FRMPD4: variants seen among roughly 807,000 people sequenced by gnomAD.
FRMPD4 encodes the protein FERM and PDZ domain-containing protein 4.
A neutral mutation model predicts 94.1 loss-of-function variants in FRMPD4; 22 were observed. The observed-to-expected ratio is 0.23, with a 90% confidence interval of 0.17 to 0.33. The LOEUF is 0.33. Ranked by LOEUF, FRMPD4 falls within the 10% of genes least tolerant of loss-of-function variation. The probability of loss-of-function intolerance (pLI) is 1.00; values close to 1 mark genes in which losing one functional copy is unlikely to be tolerated. For missense variants in FRMPD4, 1,111 were observed against 1,339.9 expected (o/e 0.83, Z 2.67); for synonymous variants, 631 against 548.6 (o/e 1.15, Z -2.10).
At chrX:11,865,753 A>G (rs2053714790) in intron 2 of FRMPD4, among the ~76,000 whole-genome samples, 1 of 112,031 alleles carries the variant, frequency 8.9e-6, no homozygotes, top group Non-Finnish European at 1.9e-5. Context: ...GGTGGTCAGG[A>G]TAAACCAGAA....
chrX:12,628,173 A>G (rs757529273), intron 4 of FRMPD4, among the ~76,000 whole-genome samples: 4 of 111,885 alleles, frequency 3.6e-5, no homozygotes, highest in Middle Eastern at 4.6e-3. Flanking sequence ...GAGAAGTGTA[A>G]CATTATCTAT....
intron 1 of FRMPD4, among the ~76,000 whole-genome samples, chrX:11,862,802 C>T (rs995856878): frequency 9.1e-6 from 1 of 110,064 alleles, no homozygotes; most frequent in South Asian, 4.0e-4. Context: ...GAGCTTTGTC[C>T]GTATTTTTCT....
chrX:11,897,872 G>A (rs768764215), intron 3 of FRMPD4, among the ~76,000 whole-genome samples: 20 of 112,023 alleles, frequency 1.8e-4, no homozygotes, highest in Non-Finnish European at 2.8e-4. Flanking sequence ...AACCGGGGCT[G>A]GCTAAGGGAA....
At chrX:12,100,103 A>C (rs1326848010) in intron 3 of FRMPD4, among the ~76,000 whole-genome samples, 2 of 112,230 alleles carry the variant, frequency 1.8e-5, no homozygotes, top group Admixed American at 9.5e-5. Flanking sequence ...AGCCTAAAAT[A>C]TTTACTGTCT....
chrX:12,260,135 CCTT>C (rs2054170058), intron 1 of FRMPD4, among the ~76,000 whole-genome samples: 1 of 110,877 alleles, frequency 9.0e-6, no homozygotes, highest in Non-Finnish European at 1.9e-5. Flanking sequence ...GGCCTTTTTT[CCTT>C]CTTAGTCAAC....
intron 2 of FRMPD4, among the ~76,000 whole-genome samples, chrX:12,586,590 T>TG (rs1239127402): frequency 8.9e-6 from 1 of 112,498 alleles, no homozygotes; most frequent in Non-Finnish European, 1.9e-5. Context: ...GTTTGCTCAC[T>TG]GCTACACAAA....
chrX:12,357,127 TG>T (rs1478505296), intron 1 of FRMPD4, among the ~76,000 whole-genome samples: 1 of 112,112 alleles, frequency 8.9e-6, no homozygotes, highest in Non-Finnish European at 1.9e-5. Context: ...ATTTCATACT[TG>T]GGGTATTGAT....
intron 3 of FRMPD4, among the ~76,000 whole-genome samples, chrX:12,019,693 CCT>C (rs2054622831): frequency 9.2e-6 from 1 of 109,062 alleles, no homozygotes; most frequent in Non-Finnish European, 1.9e-5. Flanking sequence ...GTGTGCCTTT[CCT>C]CTCTGCTTTG....
chrX:12,103,508 C>G (rs1601940043), intron 3 of FRMPD4, among the ~76,000 whole-genome samples: 2 of 111,194 alleles, frequency 1.8e-5, no homozygotes, highest in African/African-American at 6.5e-5. Context: ...TTCTCTGTTG[C>G]TACTACTCAA....
intron 1 of FRMPD4, among the ~76,000 whole-genome samples, chrX:12,359,597 G>T (rs970924411): frequency 9.1e-6 from 1 of 109,457 alleles, no homozygotes; most frequent in Non-Finnish European, 1.9e-5. Flanking sequence ...CCTCCCGAGT[G>T]TAGCTGGGAT....
At chrX:12,505,118 T>C (rs1283355394) in intron 2 of FRMPD4, among the ~76,000 whole-genome samples, 1 of 111,984 alleles carries the variant, frequency 8.9e-6, no homozygotes, top group East Asian at 2.8e-4. Context: ...ATGGCCAACC[T>C]GTGCAAAGGA....
At chrX:12,175,810 G>A (rs190334146) in intron 1 of FRMPD4, among the ~76,000 whole-genome samples, 12 of 111,599 alleles carry the variant, frequency 1.1e-4, no homozygotes, top group Admixed American at 2.9e-4. Flanking sequence ...CACAGCGCCC[G>A]GCCTCAATAT....
chrX:12,522,594 C>CTTTTTTTTTTT (rs373581040), intron 2 of FRMPD4, among the ~76,000 whole-genome samples: 2 of 74,547 alleles, frequency 2.7e-5, no homozygotes, highest in Admixed American at 1.7e-4. Context: ...TTTTCTTTTC[C>CTTTTTTTTTTT]TTTTTTTTTT....
chrX:11,989,131 A>G (rs1476979465), intron 3 of FRMPD4, among the ~76,000 whole-genome samples: 1 of 111,958 alleles, frequency 8.9e-6, no homozygotes, highest in Admixed American at 9.5e-5. Context: ...AAGGAAGTAA[A>G]TATATCAAAG....
chrX:12,676,744 G>A (rs568359726), intron 5 of FRMPD4, among the ~76,000 whole-genome samples: 2 of 112,117 alleles, frequency 1.8e-5, no homozygotes, highest in African/African-American at 6.5e-5. Context: ...GTGAATCATG[G>A]CACTTCCTTT....
At chrX:12,119,343 C>T (rs1441695760) in intron 3 of FRMPD4, among the ~76,000 whole-genome samples, 1 of 111,862 alleles carries the variant, frequency 8.9e-6, no homozygotes, top group Non-Finnish European at 1.9e-5. Context: ...TGGCCCAGTT[C>T]ACCATGATTT....
At chrX:12,694,312 G>A (rs757581252) in intron 8 of FRMPD4, 23 bp from the exon 9 acceptor site, 2 of 1,192,847 alleles carry the variant, frequency 1.7e-6, no homozygotes, top group South Asian at 3.6e-5. Flanking sequence ...AAGGGTTCTT[G>A]TGTGATTGGT....
intron 3 of FRMPD4, among the ~76,000 whole-genome samples, chrX:12,003,042 G>A (rs1228006233): frequency 1.8e-5 from 2 of 111,168 alleles, no homozygotes; most frequent in Non-Finnish European, 3.8e-5. Context: ...AAGCTGCTCT[G>A]GCATTAAGCT....
At chrX:11,925,190 A>T (rs376565254) in intron 3 of FRMPD4, among the ~76,000 whole-genome samples, 104 of 111,217 alleles carry the variant, frequency 9.4e-4, no homozygotes, top group African/African-American at 3.2e-3. Flanking sequence ...AAAGGGTTCA[A>T]TTCAACAAGA....
Sources: allele counts gnomAD v4.1 joint callset (sites outside exome capture counted in the v4.1 genomes callset), GRCh38; gene constraint gnomAD v4.1.1; transcripts MANE v1.5; gene names NCBI Gene and HGNC (gene_info 2026-07-23, HGNC 2026-07-21).